TENM1: variants seen among roughly 807,000 people sequenced by gnomAD.
TENM1 encodes teneurin-1.
Under a neutral mutation model 174.8 loss-of-function variants are expected in TENM1, and 35 were observed. The observed-to-expected ratio is 0.20, with a 90% CI of 0.15 to 0.27. The LOEUF is 0.27. TENM1 is among the 10% of genes least tolerant of loss of function. The pLI is 1.00. For missense variants in TENM1, 1,633 were observed against 2,130.1 expected, an observed-to-expected ratio of 0.77 and a Z score of 4.59; for synonymous variants, 781 against 798.7, an observed-to-expected ratio of 0.98 and a Z score of 0.37.
intron 3 of TENM1, among the ~76,000 whole-genome samples, chrX:124,755,839 A>G: frequency 9.2e-6 from 1 of 108,317 alleles, no homozygotes; most frequent in South Asian, 4.1e-4. Context: ...TGGCTTGTAG[A>G]GTTTCTGCCG....
At chrX:124,956,551 G>A (rs907191185) in intron 1 of TENM1, among the ~76,000 whole-genome samples, 1 of 111,987 alleles carries the variant, frequency 8.9e-6, no homozygotes, top group Non-Finnish European at 1.9e-5. Context: ...AGTTTTAGAT[G>A]CTGTGTAAGT....
In TENM1 at chrX:124,963,805, A is replaced by C. The variant is rs764315090; in HGVS notation, c.-52T>G. The C allele has an allele frequency of 4.0e-6, 4 of 1,008,004 alleles. No homozygotes were observed. The East Asian group carries it at 1.2e-4, about 31-fold the overall frequency. 83.1% of individuals were successfully genotyped at this position (1,008,004 alleles called of 1,213,427 possible). On this transcript the variant is annotated 5_prime_UTR_variant, in exon 1 of 32. It adds an upstream start codon to the 5' untranslated region. Coordinates refer to ENST00000422452, the Ensembl canonical transcript of TENM1. ...GAAAAAAAGGATGAGGAAGTCCTTT[A>C]ATGCAAGCAGTCCTGGAAGAGAAAG...
chrX:124,868,738 C>T (rs1448056709), intron 3 of TENM1, among the ~76,000 whole-genome samples: 1 of 111,093 alleles, frequency 9.0e-6, no homozygotes, highest in Non-Finnish European at 1.9e-5. Context: ...TAATCTCCCA[C>T]AGGATTAATA....
At chrX:124,385,917 G>T in exon 29 of TENM1, 2 of 1,210,504 alleles carry the variant, frequency 1.7e-6, no homozygotes, top group Non-Finnish European at 2.2e-6. Flanking sequence ...CTGTCCGGTG[G>T]GGTGTAGATG....
chrX:124,578,087 A>G (rs948830925), intron 11 of TENM1, among the ~76,000 whole-genome samples: 1 of 95,229 alleles, frequency 1.1e-5, no homozygotes, highest in African/African-American at 4.1e-5. Context: ...CACCATGCCC[A>G]GCTAATTAAA....
At chrX:125,112,825 A>G in the TENM1 span, among the ~76,000 whole-genome samples, 1 of 111,337 alleles carries the variant, frequency 9.0e-6, no homozygotes, top group Non-Finnish European at 1.9e-5. Flanking sequence ...AAATAAACGG[A>G]GTGATATCCC....
the TENM1 span, among the ~76,000 whole-genome samples, chrX:125,046,640 GC>G: frequency 8.9e-6 from 1 of 111,898 alleles, no homozygotes; most frequent in African/African-American, 3.2e-5. Flanking sequence ...AAACGAACTG[GC>G]AAGGCCATCT....
At chrX:124,782,975 G>A (rs1245750966) in intron 3 of TENM1, among the ~76,000 whole-genome samples, 1 of 112,075 alleles carries the variant, frequency 8.9e-6, no homozygotes, top group Non-Finnish European at 1.9e-5. Context: ...GTAGAGTGCA[G>A]TCTGACAATA....
chrX:125,164,667 T>A, the TENM1 span, among the ~76,000 whole-genome samples: 5 of 112,045 alleles, frequency 4.5e-5, no homozygotes, highest in Non-Finnish European at 9.4e-5. Flanking sequence ...CTCATTGACT[T>A]TTTTCATCGG....
At chrX:124,709,082 T>C (rs1480425415) in intron 4 of TENM1, among the ~76,000 whole-genome samples, 1 of 112,061 alleles carries the variant, frequency 8.9e-6, no homozygotes, top group Non-Finnish European at 1.9e-5. Flanking sequence ...AGAGCGGTGA[T>C]AATAGTAATT....
intron 11 of TENM1, among the ~76,000 whole-genome samples, chrX:124,626,376 T>C (rs758616492): frequency 9.0e-6 from 1 of 111,474 alleles, no homozygotes; most frequent in Non-Finnish European, 1.9e-5. Context: ...TCTCATACGA[T>C]CTTGTTTTTA....
intron 18 of TENM1, among the ~76,000 whole-genome samples, chrX:124,504,891 G>A (rs1355555969): frequency 9.0e-6 from 1 of 110,560 alleles, no homozygotes; most frequent in Non-Finnish European, 1.9e-5. Context: ...ACTGATTTGT[G>A]TGTGCATGTG....
intron 22 of TENM1, among the ~76,000 whole-genome samples, chrX:124,460,458 C>T (rs2061157211): frequency 9.0e-6 from 1 of 110,941 alleles, no homozygotes; most frequent in South Asian, 3.8e-4. Context: ...GGTCATTATC[C>T]TTAGCAAACT....
chrX:124,380,237 C>T (rs1197289683), exon 32 of TENM1: 4 of 227,413 alleles, frequency 1.8e-5, no homozygotes, highest in African/African-American at 2.9e-5. Flanking sequence ...GATATTGGAA[C>T]ATATGCATGG....
At chrX:124,507,286 T>C (rs771182297) in intron 18 of TENM1, among the ~76,000 whole-genome samples, 1 of 111,106 alleles carries the variant, frequency 9.0e-6, no homozygotes, top group Admixed American at 9.6e-5. Flanking sequence ...GTAATTATTA[T>C]GGAATAATAC....
the TENM1 span, among the ~76,000 whole-genome samples, chrX:125,189,358 C>T: frequency 8.9e-6 from 1 of 112,465 alleles, no homozygotes; most frequent in African/African-American, 3.2e-5. Context: ...TGAATGTGGG[C>T]TAACTACCGT....
chrX:124,692,390 A>T (rs1046809820), intron 5 of TENM1, among the ~76,000 whole-genome samples: 11 of 111,205 alleles, frequency 9.9e-5, no homozygotes, highest in African/African-American at 3.3e-4. Flanking sequence ...CTTGACACAA[A>T]ATTTACTTAT....
Position 124,632,566 on chromosome X carries a change from TCTC to T in TENM1, c.2077+9222_2077+9224del, listed in dbSNP as rs774393498. ...TAATTTATGTCCTTCCCATCCCTCT[TCTC>T]CTTCTCTCTAATGATTCAGGGAAAT... On this transcript the variant is annotated intron_variant, in intron 11 of 31. Coordinates refer to ENST00000422452, the Ensembl canonical transcript of TENM1. Among the ~76,000 whole-genome samples the T allele has an allele frequency of 9.0e-5, 10 of 110,651 alleles. No individual in the cohort carries two copies. In the East Asian group the frequency reaches 2.0e-3, roughly 22 times the overall value.
intron 11 of TENM1, among the ~76,000 whole-genome samples, chrX:124,584,537 A>G (rs371280756): frequency 9.0e-6 from 1 of 111,535 alleles, no homozygotes; most frequent in Non-Finnish European, 1.9e-5. Context: ...TGAAGGAAGC[A>G]CTAAACATGG....
Sources: gnomAD v4.1 joint callset for allele counts (sites outside exome capture counted in the v4.1 genomes callset) on GRCh38, gnomAD v4.1.1 for gene constraint, MANE v1.5 for transcripts, NCBI Gene and HGNC (gene_info 2026-07-23, HGNC 2026-07-21) for gene names.